Variants in LMO7 observed in about 807,000 individuals in gnomAD.
LMO7 encodes the protein LIM domain only protein 7.
Under a neutral mutation model 206.5 loss-of-function variants are expected in LMO7, and 120 were observed. The observed-to-expected ratio is 0.58, with a 90% CI of 0.50 to 0.68. The LOEUF is 0.68. Among genes scored for constraint, LMO7 ranks in the 30% least tolerant of loss-of-function variants. LMO7 has a pLI of 0.00. For missense variants in LMO7, 1,959 were observed against 1,957.9 expected, an observed-to-expected ratio of 1.00 and a Z score of -0.01; for synonymous variants, 706 against 681.5, an observed-to-expected ratio of 1.04 and a Z score of -0.56.
chr13:75,848,431 TTATCTATC>T lies in LMO7; in HGVS notation c.4151-617_4151-610del, dbSNP rs139984746. On this transcript the variant is annotated intron_variant, in intron 26 of 30. Coordinates refer to ENST00000377534, the MANE Select transcript of LMO7 (RefSeq NM_001306080.2). ...TATGGCTGAGTAGTATTCCATGCGA[TTATCTATC>T]TATCTATCTATCTATCTATCTATCT... Among the ~76,000 whole-genome samples the T allele has an allele frequency of 4.9e-3, 740 of 150,638 alleles. 6 individuals are homozygous for T. The highest frequency in any genetic ancestry group is 0.016 in the African/African-American group (670 of 40,794).
chr13:75,672,790 T>C lies in LMO7; in HGVS notation c.69+36064T>C, dbSNP rs1441391297. On this transcript the variant is annotated intron_variant, in intron 1 of 30. Coordinates refer to ENST00000377534, the MANE Select transcript of LMO7 (RefSeq NM_001306080.2). ...GATATCTCATACTTTTGATTTTATA[T>C]TTATCTGATAAGTGGTTAATATGTC... Among the ~76,000 whole-genome samples the C allele has an allele frequency of 6.2e-5, 8 of 128,068 alleles. No individual in the cohort carries two copies. The South Asian group carries it at 1.6e-3, about 26-fold the overall frequency. The allele number at this position is 128,068 out of a possible 152,430, so 84.0% of individuals were successfully genotyped here.
chr13:75,651,043 A>T (rs9285297), intron 1 of LMO7, among the ~76,000 whole-genome samples: 79,228 of 152,004 alleles, frequency 0.52, 20,942 homozygotes, highest in Admixed American at 0.62. Flanking sequence ...TGCCTGTTTT[A>T]AAGCCAATTT....
Position 75,836,425 on chromosome 13 carries a change from T to C in LMO7, c.3362T>C (p.Ile1121Thr). 1 of 1,537,954 alleles carries C rather than the reference T, an allele frequency of 6.5e-7. No homozygotes were observed. Among genetic ancestry groups the C allele is most frequent in the South Asian group, 1.2e-5 (1 of 83,998 alleles). The change falls in exon 19 of 31, where the codon ATT becomes ACT. Residue 1121 changes from isoleucine to threonine, a missense_variant. Transcript: ENST00000377534. ...SNIESKEING[I>T]HDESNAFESK... is the part of the protein sequence containing the mutation. ...ATTGAATCCAAAGAAATCAATGGAA[T>C]TCATGATGAAAGCAATGCTTTTGAA...
At chr13:75,711,509 C>T (rs192519279) in intron 1 of LMO7, among the ~76,000 whole-genome samples, 107 of 152,286 alleles carry the variant, frequency 7.0e-4, no homozygotes, top group African/African-American at 2.3e-3. Context: ...GACTCAATGC[C>T]GTCTGTCACC....
intron 3 of LMO7, 146 bp downstream of exon 3, chr13:75,727,244 C>T (rs752231070): frequency 2.1e-4 from 101 of 478,388 alleles, no homozygotes; most frequent in Middle Eastern, 5.4e-4. Flanking sequence ...GTGATGTCCT[C>T]CTTTTATCTG....
At chr13:75,842,573 G>T (rs1253462114) in intron 24 of LMO7, among the ~76,000 whole-genome samples, 1 of 152,118 alleles carries the variant, frequency 6.6e-6, no homozygotes, top group Non-Finnish European at 1.5e-5. Context: ...CAGTAAGTTT[G>T]TTTTGTGTAC....
chr13:75,669,720 A>T (rs184100278), intron 1 of LMO7, among the ~76,000 whole-genome samples: 2 of 152,348 alleles, frequency 1.3e-5, no homozygotes, highest in East Asian at 3.9e-4. Context: ...GTGGGCTGGC[A>T]TGCATGCATT....
At chr13:75,632,356 C>G (rs934809058), upstream of LMO7, among the ~76,000 whole-genome samples, 2 of 152,160 alleles carry the variant, frequency 1.3e-5, no homozygotes, top group Non-Finnish European at 2.9e-5. Flanking sequence ...AACCCTCCAG[C>G]CTTTCCATAT....
chr13:75,762,919 A>G (rs538791891), intron 4 of LMO7, among the ~76,000 whole-genome samples: 30 of 152,320 alleles, frequency 2.0e-4, no homozygotes, highest in African/African-American at 7.0e-4. Context: ...GTGGCAAGCA[A>G]CTTTTTAAAA....
intron 1 of LMO7, chr13:75,688,494 G>C (rs1464171645): frequency 1.3e-5 from 2 of 152,188 alleles, no homozygotes; most frequent in African/African-American, 4.8e-5. Context: ...ACACAAGCAG[G>C]AACATCTTTT....
intron 24 of LMO7, 113 bp downstream of exon 24, chr13:75,842,096 C>T (rs2059596618): frequency 1.3e-6 from 1 of 749,858 alleles, no homozygotes; most frequent in African/African-American, 1.8e-5. Flanking sequence ...CAAGTGAATA[C>T]AAGCCACCAA....
intron 4 of LMO7, among the ~76,000 whole-genome samples, chr13:75,781,085 ACT>A (rs1468717446): frequency 5.4e-5 from 2 of 37,226 alleles, no homozygotes; most frequent in African/African-American, 2.3e-4. Flanking sequence ...TTTTAACCTT[ACT>A]CTATTTTCCT....
At chr13:75,814,043 A>G (rs909901397) in intron 11 of LMO7, among the ~76,000 whole-genome samples, 1 of 152,200 alleles carries the variant, frequency 6.6e-6, no homozygotes, top group African/African-American at 2.4e-5. Context: ...AATTCACACA[A>G]ATCAGCTTTA....
At chr13:75,679,906 ATTTT>A (rs1207980861) in intron 1 of LMO7, among the ~76,000 whole-genome samples, 14 of 152,218 alleles carry the variant, frequency 9.2e-5, no homozygotes, top group Non-Finnish European at 1.8e-4. Flanking sequence ...TTTTAAAAAA[ATTTT>A]TATTTTATTT....
chr13:75,757,242 A>G (rs568951504), intron 3 of LMO7, among the ~76,000 whole-genome samples: 3 of 152,158 alleles, frequency 2.0e-5, no homozygotes, highest in Non-Finnish European at 4.4e-5. Context: ...CAGCTCCTCC[A>G]AGCTCCAGGA....
chr13:75,692,594 C>A (rs189453863), intron 1 of LMO7, among the ~76,000 whole-genome samples: 4 of 152,112 alleles, frequency 2.6e-5, no homozygotes, highest in Admixed American at 2.6e-4. Flanking sequence ...CTGTGTTGCC[C>A]AGCCTGGACT....
intron 19 of LMO7, among the ~76,000 whole-genome samples, chr13:75,837,258 A>G (rs561521566): frequency 6.6e-6 from 1 of 152,328 alleles, no homozygotes; most frequent in Admixed American, 6.5e-5. Context: ...GATAGACAGA[A>G]GTGACTATAT....
chr13:75,704,129 A>T (rs2042487000), intron 1 of LMO7, among the ~76,000 whole-genome samples: 1 of 152,190 alleles, frequency 6.6e-6, no homozygotes, highest in African/African-American at 2.4e-5. Flanking sequence ...GCTTTAGAGA[A>T]GGCATCCAGC....
At chr13:75,857,081 G>A (rs1350390882) in intron 30 of LMO7, 1 of 152,420 alleles carries the variant, frequency 6.6e-6, no homozygotes, top group African/African-American at 2.4e-5. Flanking sequence ...GTCAGTTTAT[G>A]CTTTATGTTA....
Sources: allele counts gnomAD v4.1 joint callset (sites outside exome capture counted in the v4.1 genomes callset), GRCh38; gene constraint gnomAD v4.1.1; transcripts MANE v1.5; gene names NCBI Gene and HGNC (gene_info 2026-07-23, HGNC 2026-07-21).